Variants in LMBRD1 observed in about 807,000 individuals in gnomAD.
LMBRD1 encodes lysosomal cobalamin transport escort protein LMBD1.
Under a neutral mutation model 74.8 loss-of-function variants are expected in LMBRD1, and 64 were observed. The observed-to-expected ratio is 0.86, with a 90% CI of 0.70 to 1.05. The LOEUF is 1.05. LMBRD1 is among the 50% of genes least tolerant of loss of function. LMBRD1 has a pLI of 0.00. For synonymous variants in LMBRD1, 204 were observed against 216.3 expected, an observed-to-expected ratio of 0.94 and a Z score of 0.50; for missense variants, 652 against 645.9, an observed-to-expected ratio of 1.01 and a Z score of -0.10.
At chr6:69,794,433 G>A (rs558541127) in intron 1 of LMBRD1, among the ~76,000 whole-genome samples, 15 of 152,342 alleles carry the variant, frequency 9.8e-5, no homozygotes, top group African/African-American at 3.6e-4. Context: ...ATACCAAGAT[G>A]TGATGGCTAT....
chr6:69,678,919 T>C (rs1409290213), intron 14 of LMBRD1, among the ~76,000 whole-genome samples: 1 of 151,966 alleles, frequency 6.6e-6, no homozygotes, highest in East Asian at 1.9e-4. Flanking sequence ...AAGCTTCAGA[T>C]ATGTGATGTA....
chr6:69,736,268 T>C (rs113239676), intron 7 of LMBRD1, among the ~76,000 whole-genome samples: 2 of 152,266 alleles, frequency 1.3e-5, no homozygotes, highest in African/African-American at 2.4e-5. Flanking sequence ...ATAGTCTTGG[T>C]AGATGCAGAA....
At chr6:69,698,893 C>T (rs989510937) in intron 13 of LMBRD1, 150 bp downstream of exon 13, 3 of 608,500 alleles carry the variant, frequency 4.9e-6, no homozygotes, top group African/African-American at 3.7e-5. Context: ...TATAAATATG[C>T]TAAAAATAGA....
chr6:69,774,104 G>C (rs6932605), intron 3 of LMBRD1, among the ~76,000 whole-genome samples: 1 of 152,134 alleles, frequency 6.6e-6, no homozygotes, highest in African/African-American at 2.4e-5. Flanking sequence ...TCATGGGAGG[G>C]ACCCAGTGGA....
At chr6:69,712,526 C>T (rs1218888738) in intron 9 of LMBRD1, among the ~76,000 whole-genome samples, 1 of 151,468 alleles carries the variant, frequency 6.6e-6, no homozygotes, top group Non-Finnish European at 1.5e-5. Context: ...GTCACACATA[C>T]ATAATTGGAA....
Position 69,683,381 on chromosome 6 carries a change from A to C in LMBRD1, c.1418-6840T>G, listed in dbSNP as rs558641673. The stretch of plus-strand genomic sequence containing the variant: ...AATAATTCACTAACCTTGATCATCT[A>C]GTTTATTTAATAGTTAAACTTTCTA... On this transcript the variant is annotated intron_variant, in intron 14 of 15. Coordinates refer to ENST00000649934, the MANE Select transcript of LMBRD1 (RefSeq NM_018368.4). 2.6e-5 allele frequency among the ~76,000 whole-genome samples: 4 copies of C among 152,146 alleles called. No individual in the cohort carries two copies. In the South Asian group the frequency reaches 8.3e-4, roughly 32 times the overall value.
chr6:69,701,068 C>A (rs1766119027), intron 11 of LMBRD1, among the ~76,000 whole-genome samples, 199 bp from the exon 12 acceptor site: 1 of 151,254 alleles, frequency 6.6e-6, no homozygotes, highest in African/African-American at 2.4e-5. Context: ...ATTTTTAATA[C>A]CATTATCTTA....
rs1766533735 is a variant in LMBRD1, at chr6:69,718,203, G to A, written c.762+753C>T. On this transcript the variant is annotated intron_variant, in intron 8 of 15. Coordinates refer to ENST00000649934, the MANE Select transcript of LMBRD1 (RefSeq NM_018368.4). Reference sequence around the variant, plus strand: ...AGAAAAACTTTTTACAGTATTTTTAGAAGTACATTTAATTGGCAAGGGGTT... The same window carrying A: ...AGAAAAACTTTTTACAGTATTTTTAAAAGTACATTTAATTGGCAAGGGGTT... Among the ~76,000 whole-genome samples, 7 of 152,000 alleles carry A rather than the reference G, an allele frequency of 4.6e-5. No homozygotes were observed. In the South Asian group the frequency reaches 1.5e-3, roughly 32 times the overall value.
chr6:69,762,456 C>CAAA (rs148940523), intron 3 of LMBRD1, among the ~76,000 whole-genome samples: 3 of 132,594 alleles, frequency 2.3e-5, no homozygotes, highest in East Asian at 2.2e-4. Flanking sequence ...TACCAAAAAA[C>CAAA]AAAAAAAAAA....
intron 2 of LMBRD1, among the ~76,000 whole-genome samples, chr6:69,782,571 C>G (rs940190981): frequency 1.3e-5 from 2 of 151,972 alleles, no homozygotes; most frequent in Non-Finnish European, 2.9e-5. Context: ...ATCCCAGCTT[C>G]TTGGAAGGAT....
intron 7 of LMBRD1, among the ~76,000 whole-genome samples, chr6:69,736,379 A>G (rs34669974): frequency 0.024 from 3,678 of 152,258 alleles, 61 homozygotes; most frequent in Non-Finnish European, 0.034. Context: ...ACACTCTATT[A>G]TGTGCAGGTC....
intron 7 of LMBRD1, among the ~76,000 whole-genome samples, chr6:69,736,496 C>T (rs888265462): frequency 6.6e-6 from 1 of 152,202 alleles, no homozygotes; most frequent in African/African-American, 2.4e-5. Flanking sequence ...AGAAGTCTTA[C>T]ATCTTCAGTT....
chr6:69,720,976 T>C (rs1766601448), intron 7 of LMBRD1, among the ~76,000 whole-genome samples: 1 of 152,186 alleles, frequency 6.6e-6, no homozygotes, highest in African/African-American at 2.4e-5. Flanking sequence ...CTGAACTCAG[T>C]GCTGTCCTAT....
Position 69,719,032 on chromosome 6 carries a change from C to T in LMBRD1, c.686G>A (p.Ser229Asn). The change falls in exon 8 of 16, where the codon AGC (serine) becomes AAC (asparagine). Residue 229 changes from serine to asparagine, a missense_variant. Coordinates refer to ENST00000649934, the MANE Select transcript of LMBRD1 (RefSeq NM_018368.4). ...LPLNLIKGTR[S>N]AAYERLENTE... is the part of the protein sequence containing the mutation. ...GTTTTCCAAACGTTCATAAGCAGCG[C>T]TTCTAGTGCCTTTTATCAGATTTAA... 2.5e-6 allele frequency: 4 copies of T among 1,613,054 alleles called. No homozygotes were observed. The highest frequency in any genetic ancestry group is 2.5e-6 in the Non-Finnish European group (3 of 1,179,264).
At chr6:69,704,397 G>A (rs866230680) in intron 9 of LMBRD1, among the ~76,000 whole-genome samples, 4 of 152,070 alleles carry the variant, frequency 2.6e-5, no homozygotes, top group Middle Eastern at 3.4e-3. Context: ...ATTTACTAAT[G>A]TATTTACTTA....
intron 14 of LMBRD1, among the ~76,000 whole-genome samples, chr6:69,693,772 C>T (rs1765938220): frequency 6.6e-6 from 1 of 151,828 alleles, no homozygotes; most frequent in African/African-American, 2.4e-5. Context: ...CCTTATGTGT[C>T]TAATCCAATG....
At chr6:69,739,993 C>A (rs1295614364) in intron 6 of LMBRD1, among the ~76,000 whole-genome samples, 1 of 152,050 alleles carries the variant, frequency 6.6e-6, no homozygotes, top group Non-Finnish European at 1.5e-5. Context: ...GTAGTCCCAG[C>A]TACTCAGGAG....
intron 9 of LMBRD1, among the ~76,000 whole-genome samples, chr6:69,708,104 A>G (rs534547998): frequency 3.9e-5 from 6 of 152,308 alleles, no homozygotes; most frequent in East Asian, 1.9e-4. Flanking sequence ...CTAATGATCT[A>G]GAAGTTACCC....
intron 2 of LMBRD1, among the ~76,000 whole-genome samples, chr6:69,787,446 T>C (rs1367404244): frequency 6.6e-6 from 1 of 152,120 alleles, no homozygotes; most frequent in Non-Finnish European, 1.5e-5. Flanking sequence ...GACAACTTAA[T>C]AATGAAAAGT....
Sources: gnomAD v4.1 joint callset for allele counts (sites outside exome capture counted in the v4.1 genomes callset) on GRCh38, gnomAD v4.1.1 for gene constraint, MANE v1.5 for transcripts, NCBI Gene and HGNC (gene_info 2026-07-23, HGNC 2026-07-21) for gene names.